FAT3: variants seen among roughly 807,000 people sequenced by gnomAD.
FAT3 encodes the protein protocadherin Fat 3.
Under a neutral mutation model 310.2 loss-of-function variants are expected in FAT3, and 95 were observed. The ratio of observed to expected loss-of-function variants is 0.31; its 90% CI spans 0.26 to 0.36. The LOEUF is 0.36. FAT3 is among the 10% of genes least tolerant of loss of function. The pLI is 1.00. For synonymous variants in FAT3, 2,314 were observed against 2,192.9 expected (o/e 1.06, Z -1.54); for missense variants, 5,408 against 5,715.6 (o/e 0.95, Z 1.74).
intron 3 of FAT3, among the ~76,000 whole-genome samples, chr11:92,654,549 T>G (rs533909415): frequency 6.6e-6 from 1 of 152,206 alleles, no homozygotes; most frequent in African/African-American, 2.4e-5. Context: ...CAATGAAAGA[T>G]AAAACAAAAT....
At chr11:92,886,234 T>C (rs1402737099) in intron 24 of FAT3, among the ~76,000 whole-genome samples, 1 of 152,160 alleles carries the variant, frequency 6.6e-6, no homozygotes, top group East Asian at 1.9e-4. Context: ...GGTGAGACAA[T>C]TTCTGGGCTA....
chr11:92,418,917 A>T (rs1274103828), intron 2 of FAT3, among the ~76,000 whole-genome samples: 1 of 152,156 alleles, frequency 6.6e-6, no homozygotes, highest in East Asian at 1.9e-4. Flanking sequence ...GATAGCTTTT[A>T]GGAAATCACT....
At chr11:92,257,800 T>A (rs530174475) in intron 1 of FAT3, among the ~76,000 whole-genome samples, 3 of 152,286 alleles carry the variant, frequency 2.0e-5, no homozygotes, top group Admixed American at 1.3e-4. Flanking sequence ...TACATTTTAA[T>A]GAACAATATA....
intron 2 of FAT3, among the ~76,000 whole-genome samples, chr11:92,444,191 C>T (rs1269772924): frequency 6.6e-6 from 1 of 152,006 alleles, no homozygotes; most frequent in African/African-American, 2.4e-5. Context: ...GTGTTCCTTT[C>T]TCATCTGTTG....
At chr11:92,863,523 T>C (rs1949168508) in intron 21 of FAT3, among the ~76,000 whole-genome samples, 1 of 152,210 alleles carries the variant, frequency 6.6e-6, no homozygotes, top group Non-Finnish European at 1.5e-5. Context: ...AATCTAAATA[T>C]TTTATAACAT....
chr11:92,294,374 GGGACACACACATTC>G (rs1414198695), intron 1 of FAT3, among the ~76,000 whole-genome samples: 18 of 152,038 alleles, frequency 1.2e-4, no homozygotes, highest in African/African-American at 4.3e-4. Flanking sequence ...GGGGGTGGAA[GGGACACACACATTC>G]AGTCCATACC....
At chr11:92,237,774 T>A (rs1864491002) in intron 1 of FAT3, among the ~76,000 whole-genome samples, 1 of 152,082 alleles carries the variant, frequency 6.6e-6, no homozygotes, top group African/African-American at 2.4e-5. Flanking sequence ...ATGAATGAGA[T>A]ATTGTAGATT....
In FAT3 at chr11:92,354,768, G is replaced by C. The variant is rs376814803; in HGVS notation, c.2656G>C (p.Val886Leu). The change falls in exon 2 of 28, where the codon GTT becomes CTT. Residue 886 changes from valine to leucine, a missense_variant. By Grantham distance (32) the Val-to-Leu change is conservative (BLOSUM62 1). Coordinates refer to ENST00000525166, the MANE Select transcript of FAT3 (RefSeq NM_001367949.2). ...TGCCATCAATAGCTCAACTGGAATC[G>C]TTTATGTAGCCGACCAGTTGGACCG... ...QFAINSSTGI[V>L]YVADQLDRES... 44 of 1,613,776 alleles carry C rather than the reference G, an allele frequency of 2.7e-5. No homozygotes were observed. Among genetic ancestry groups the C allele is most frequent in the Non-Finnish European group, 1.6e-5 (19 of 1,179,854 alleles).
At chr11:92,340,667 C>T (rs1948229528) in intron 1 of FAT3, among the ~76,000 whole-genome samples, 1 of 152,140 alleles carries the variant, frequency 6.6e-6, no homozygotes, top group Non-Finnish European at 1.5e-5. Context: ...TTACCCACCC[C>T]GAGTTCTAAT....
rs557621080 is a variant in FAT3 at position 92,811,342 on chromosome 11, T to C, written c.9481+1266T>C. 3.9e-5 allele frequency among the ~76,000 whole-genome samples: 6 copies of C among 152,272 alleles called. No individual in the cohort carries two copies. In the South Asian group the frequency reaches 1.2e-3, roughly 32 times the overall value. On this transcript the variant is annotated intron_variant, in intron 13 of 27. Coordinates refer to ENST00000525166, the MANE Select transcript of FAT3 (RefSeq NM_001367949.2). The stretch of plus-strand genomic sequence containing the variant: ...AAATTTGATTTTGAGAATGTATAAT[T>C]AGGCCATAGATGATATTTTAAAAGC...
chr11:92,404,311 G>A (rs897698787), intron 2 of FAT3, among the ~76,000 whole-genome samples: 5 of 152,096 alleles, frequency 3.3e-5, no homozygotes, highest in African/African-American at 1.2e-4. Context: ...GACAAGTGCT[G>A]TACTAGTGGA....
At chr11:92,281,502 G>A (rs1166081757) in intron 1 of FAT3, among the ~76,000 whole-genome samples, 1 of 151,998 alleles carries the variant, frequency 6.6e-6, no homozygotes, top group Admixed American at 6.6e-5. Flanking sequence ...CTGCATTTCC[G>A]CAGGGCCTGT....
chr11:92,291,375 G>A (rs1340838738), intron 1 of FAT3, among the ~76,000 whole-genome samples: 1 of 152,138 alleles, frequency 6.6e-6, no homozygotes, highest in Non-Finnish European at 1.5e-5. Flanking sequence ...AGCAAGGAGT[G>A]TAGAGAGAAG....
intron 4 of FAT3, among the ~76,000 whole-genome samples, chr11:92,708,954 C>T (rs969142919): frequency 6.6e-6 from 1 of 152,202 alleles, no homozygotes; most frequent in African/African-American, 2.4e-5. Context: ...CATTAGATCT[C>T]TACTATTGGA....
In FAT3 at chr11:92,302,450, G is replaced by A. The variant is rs577878404; in HGVS notation, c.-17-49646G>A. Among the ~76,000 whole-genome samples, 5 of 151,558 alleles carry A rather than the reference G, an allele frequency of 3.3e-5. No homozygotes were observed. The East Asian group carries it at 9.7e-4, about 30-fold the overall frequency. Reference sequence around the variant, plus strand: ...TCATGTTAAGCTTGCCATTCAAAAGGTTGTTTTATTTCCTAATTTTTTTTT... The same window carrying A: ...TCATGTTAAGCTTGCCATTCAAAAGATTGTTTTATTTCCTAATTTTTTTTT... On this transcript the variant is annotated intron_variant, in intron 1 of 27. Transcript: ENST00000525166.
intron 2 of FAT3, among the ~76,000 whole-genome samples, chr11:92,378,987 G>T (rs1212143948): frequency 1.3e-5 from 2 of 152,092 alleles, no homozygotes; most frequent in South Asian, 2.1e-4. Flanking sequence ...CACCTTGGGG[G>T]TTACGAATTC....
intron 1 of FAT3, among the ~76,000 whole-genome samples, chr11:92,272,697 C>T (rs1802197711): frequency 6.6e-6 from 1 of 151,908 alleles, no homozygotes; most frequent in Admixed American, 6.6e-5. Flanking sequence ...GGTGTGACAA[C>T]CTGGGGAAAA....
At chr11:92,546,049 A>C (rs1954606572) in intron 3 of FAT3, among the ~76,000 whole-genome samples, 1 of 152,168 alleles carries the variant, frequency 6.6e-6, no homozygotes, top group Non-Finnish European at 1.5e-5. Context: ...GTTTATAATA[A>C]CTTTTCCTTG....
intron 2 of FAT3, among the ~76,000 whole-genome samples, chr11:92,415,105 GAATTGA>G (rs1456212786): frequency 1.3e-5 from 2 of 152,054 alleles, no homozygotes; most frequent in African/African-American, 4.8e-5. Flanking sequence ...AGGACCTTCT[GAATTGA>G]AAAATACCAA....
Sources: gnomAD v4.1 joint callset for allele counts (sites outside exome capture counted in the v4.1 genomes callset) on GRCh38, gnomAD v4.1.1 for gene constraint, MANE v1.5 for transcripts, NCBI Gene and HGNC (gene_info 2026-07-23, HGNC 2026-07-21) for gene names.